ACOXL: variants seen among roughly 807,000 people sequenced by gnomAD.
ACOXL encodes acyl-CoA oxidase like, also known as acyl-coenzyme A oxidase-like protein.
ACOXL carries 70 observed loss-of-function variants against 71.9 expected under a neutral mutation model. The observed-to-expected ratio is 0.97, with a 90% CI of 0.80 to 1.19. ACOXL has a LOEUF of 1.19. Ranked by LOEUF, ACOXL falls within the 50% of genes most tolerant of loss-of-function variation. The pLI is 0.00. For synonymous variants in ACOXL, 253 were observed against 281.6 expected (o/e 0.90, Z 1.02); for missense variants, 703 against 736.3 (o/e 0.95, Z 0.52).
chr2:111,045,538 T>A (rs2065973635), intron 15 of ACOXL, among the ~76,000 whole-genome samples: 1 of 152,212 alleles, frequency 6.6e-6, no homozygotes, highest in Admixed American at 6.5e-5. Context: ...TGATTGTAAG[T>A]TTCCTGAGGC....
intron 12 of ACOXL, among the ~76,000 whole-genome samples, chr2:110,954,220 T>G (rs1676323698): frequency 6.6e-6 from 1 of 152,228 alleles, no homozygotes; most frequent in Admixed American, 6.5e-5. Flanking sequence ...GTTATATGCT[T>G]ATAGTTTCAA....
intron 1 of ACOXL, among the ~76,000 whole-genome samples, chr2:110,752,832 T>C (rs1679185493): frequency 6.6e-6 from 1 of 152,144 alleles, no homozygotes; most frequent in Non-Finnish European, 1.5e-5. Flanking sequence ...TCTCACGCAG[T>C]GTCTGTGGGT....
chr2:110,844,302 C>A (rs1691523740), intron 10 of ACOXL, among the ~76,000 whole-genome samples: 1 of 152,216 alleles, frequency 6.6e-6, no homozygotes, highest in Non-Finnish European at 1.5e-5. Context: ...AAAATTACTT[C>A]TGAAATCTAA....
At chr2:111,109,479 C>T (rs1242847369) in intron 17 of ACOXL, among the ~76,000 whole-genome samples, 1 of 151,826 alleles carries the variant, frequency 6.6e-6, no homozygotes, top group Non-Finnish European at 1.5e-5. Flanking sequence ...GGAATAATTT[C>T]TATGAATCTG....
chr2:111,021,815 G>A (rs567994364), intron 14 of ACOXL, among the ~76,000 whole-genome samples: 15 of 151,722 alleles, frequency 9.9e-5, no homozygotes, highest in Non-Finnish European at 1.5e-4. Context: ...AAAAGAGATA[G>A]AAATACAGGA....
Position 110,917,176 on chromosome 2 carries a change from G to A in ACOXL, c.905+8271G>A, listed in dbSNP as rs190963789. ...ATCCTCGATAAAATACTGGCAAACC[G>A]AATCCAGCAGCACATCAAAAACCTT... is the stretch of plus-strand genomic sequence containing the variant. On this transcript the variant is annotated intron_variant, in intron 11 of 17. Transcript: ENST00000439055. Among the ~76,000 whole-genome samples, 453 of 152,196 alleles carry A rather than the reference G, an allele frequency of 3.0e-3. 4 individuals are homozygous for A. Among genetic ancestry groups the A allele is most frequent in the African/African-American group, 0.01 (433 of 41,518 alleles).
chr2:110,969,432 G>C (rs2062078960), intron 12 of ACOXL, among the ~76,000 whole-genome samples: 1 of 152,166 alleles, frequency 6.6e-6, no homozygotes, highest in Non-Finnish European at 1.5e-5. Flanking sequence ...AAGCAAGATT[G>C]ACAAAGTTAA....
At chr2:111,109,462 C>T (rs961953955) in intron 17 of ACOXL, among the ~76,000 whole-genome samples, 3 of 151,804 alleles carry the variant, frequency 2.0e-5, no homozygotes, top group Admixed American at 6.6e-5. Flanking sequence ...TTCTCTTTGC[C>T]CCATTTGGAA....
intron 2 of ACOXL, among the ~76,000 whole-genome samples, chr2:110,779,407 G>T (rs1683058386): frequency 1.3e-5 from 2 of 152,162 alleles, no homozygotes; most frequent in African/African-American, 4.8e-5. Flanking sequence ...GGAGAGAGGA[G>T]GGAGGAAGGA....
At position 111,027,233 on chromosome 2, in the gene ACOXL, T is replaced by C. The variant is rs538634590; in HGVS notation, c.1282-4394T>C. Among the ~76,000 whole-genome samples, 29 of 151,804 alleles carry C rather than the reference T, an allele frequency of 1.9e-4. No homozygotes were observed. The South Asian group carries it at 5.8e-3, about 31-fold the overall frequency. On this transcript the variant is annotated intron_variant, in intron 14 of 17. Coordinates refer to ENST00000439055, the MANE Select transcript of ACOXL (RefSeq NM_001142807.4). ...AAACCCTTCTTATATAGGGGTCTTA[T>C]CTTTGTAAAGGCTAAGCTAAGTTCT...
chr2:111,070,547 A>G (rs2067293451), intron 16 of ACOXL, among the ~76,000 whole-genome samples: 1 of 152,170 alleles, frequency 6.6e-6, no homozygotes, highest in Admixed American at 6.5e-5. Flanking sequence ...CTGGATACTA[A>G]GCTTAGTACC....
chr2:111,103,686 T>A (rs1416769505), intron 17 of ACOXL, among the ~76,000 whole-genome samples: 2 of 152,236 alleles, frequency 1.3e-5, no homozygotes, highest in South Asian at 4.1e-4. Flanking sequence ...CTAAAAAGCA[T>A]AAAAGGAAAC....
At chr2:111,093,478 T>G in intron 17 of ACOXL, 1 of 1,614,080 alleles carries the variant, frequency 6.2e-7, no homozygotes, top group South Asian at 1.1e-5. Context: ...GATTACATCC[T>G]TTCTGCAGGA....
chr2:110,871,492 C>T (rs145644024), intron 10 of ACOXL, among the ~76,000 whole-genome samples: 3 of 152,172 alleles, frequency 2.0e-5, no homozygotes, highest in Non-Finnish European at 4.4e-5. Context: ...TGCCATTCGT[C>T]TCGGGGGACT....
At chr2:110,933,681 A>G in intron 12 of ACOXL, 39 bp downstream of exon 12, 1 of 1,579,634 alleles carries the variant, frequency 6.3e-7, no homozygotes, top group Non-Finnish European at 8.6e-7. Flanking sequence ...GGTCCCCACG[A>G]TACAACCCAC....
chr2:111,117,938 T>G lies in ACOXL; in HGVS notation c.*122T>G. On this transcript the variant is annotated 3_prime_UTR_variant, in exon 18 of 18. Coordinates refer to ENST00000439055, the MANE Select transcript of ACOXL (RefSeq NM_001142807.4). ...GCTGGGCCGCCACTCTCGGGGATTTTGGTGGCAAAGCGGAGGTCCCGCCGA... is the reference window on the plus strand; with the variant it reads ...GCTGGGCCGCCACTCTCGGGGATTTGGGTGGCAAAGCGGAGGTCCCGCCGA... 1 of 1,238,252 alleles carries G rather than the reference T, an allele frequency of 8.1e-7. No individual in the cohort carries two copies. 76.7% of individuals were successfully genotyped at this position (1,238,252 alleles called of 1,614,324 possible). A position where few individuals can be genotyped will look rare whatever the true frequency, so the allele number is the denominator to read the frequency against.
At chr2:110,949,471 A>C (rs1440094960) in intron 12 of ACOXL, among the ~76,000 whole-genome samples, 17 of 152,128 alleles carry the variant, frequency 1.1e-4, no homozygotes, top group Admixed American at 1.1e-3. Flanking sequence ...GGGGCTCTGG[A>C]TTAAAGCCTA....
At chr2:111,000,884 AG>A (rs2063593618) in intron 14 of ACOXL, among the ~76,000 whole-genome samples, 1 of 152,220 alleles carries the variant, frequency 6.6e-6, no homozygotes, top group Admixed American at 6.5e-5. Flanking sequence ...ACCAGGGCTT[AG>A]TACTTCAACA....
At chr2:111,089,640 G>A (rs1188737727) in intron 16 of ACOXL, among the ~76,000 whole-genome samples, 2 of 152,186 alleles carry the variant, frequency 1.3e-5, no homozygotes, top group African/African-American at 4.8e-5. Context: ...ATATATGTAT[G>A]TATGGGTTAG....
Sources: allele counts gnomAD v4.1 joint callset (sites outside exome capture counted in the v4.1 genomes callset), GRCh38; gene constraint gnomAD v4.1.1; transcripts MANE v1.5; gene names NCBI Gene and HGNC (gene_info 2026-07-23, HGNC 2026-07-21).